RPTOR: variants seen among roughly 807,000 people sequenced by gnomAD.
RPTOR encodes regulatory associated protein of MTOR complex 1.
Under a neutral mutation model 169.9 loss-of-function variants are expected in RPTOR, and 21 were observed. That is an observed-to-expected ratio of 0.12 (90% CI 0.09 to 0.18). The LOEUF is 0.18. Among genes scored for constraint, RPTOR ranks in the 10% least tolerant of loss-of-function variants. The pLI, the probability that RPTOR is intolerant of heterozygous loss-of-function variation, is 1.00. For missense variants in RPTOR, 1,133 were observed against 1,855.9 expected, an observed-to-expected ratio of 0.61 and a Z score of 7.16; for synonymous variants, 732 against 753.2, an observed-to-expected ratio of 0.97 and a Z score of 0.46.
chr17:80,671,500 C>A (rs1207166184), intron 3 of RPTOR, among the ~76,000 whole-genome samples: 1 of 152,074 alleles, frequency 6.6e-6, no homozygotes, highest in African/African-American at 2.4e-5. Context: ...ATACTGCAGG[C>A]ACAAGTCATG....
intron 33 of RPTOR, among the ~76,000 whole-genome samples, chr17:80,963,802 C>T (rs1362592811): frequency 1.3e-5 from 2 of 148,930 alleles, no homozygotes; most frequent in Non-Finnish European, 3.0e-5. Flanking sequence ...CTCTGCGGCC[C>T]TCACCCCGTC....
intron 1 of RPTOR, among the ~76,000 whole-genome samples, chr17:80,622,722 C>G (rs956712573): frequency 1.3e-5 from 2 of 152,034 alleles, no homozygotes; most frequent in Non-Finnish European, 2.9e-5. Flanking sequence ...GGCAACATGA[C>G]AAACCTCATC....
At chr17:80,884,569 G>A (rs974070444) in intron 16 of RPTOR, among the ~76,000 whole-genome samples, 1 of 152,210 alleles carries the variant, frequency 6.6e-6, no homozygotes. Context: ...CCCAGGGCCA[G>A]CACAGTGTCG....
At chr17:80,565,044 T>G (rs368421811) in intron 1 of RPTOR, among the ~76,000 whole-genome samples, 2 of 152,244 alleles carry the variant, frequency 1.3e-5, no homozygotes, top group East Asian at 3.8e-4. Flanking sequence ...TTTAGGTTGA[T>G]TCCATGTCTT....
At chr17:80,743,654 G>A (rs3764370) in intron 5 of RPTOR, among the ~76,000 whole-genome samples, 3 of 146,010 alleles carry the variant, frequency 2.1e-5, no homozygotes, top group African/African-American at 5.4e-5. Context: ...CTTTGCCCTC[G>A]GCAGCAAGGG....
At chr17:80,956,501 C>T (rs1239363311) in intron 28 of RPTOR, among the ~76,000 whole-genome samples, 1 of 152,248 alleles carries the variant, frequency 6.6e-6, no homozygotes, top group Non-Finnish European at 1.5e-5. Context: ...TGAAGGCTGC[C>T]GGCCCGTGGC....
At position 80,544,840 on chromosome 17, in the gene RPTOR, C is replaced by A. The variant is rs2143180135; in HGVS notation, c.-790C>A. The stretch of plus-strand genomic sequence containing the variant: ...CCGTAGGCCGCGGTGCATTCTGGGT[C>A]CTGGCAATATGGCGTCCTCCTTGAT... On this transcript the variant is annotated 5_prime_UTR_variant, in exon 1 of 34. Transcript: ENST00000306801. The A allele has an allele frequency of 4.7e-6, 1 of 214,468 alleles. No individual in the cohort carries two copies. Among genetic ancestry groups the A allele is most frequent in the East Asian group, 6.9e-5 (1 of 14,474 alleles). 13.3% of individuals were successfully genotyped at this position (214,468 alleles called of 1,614,324 possible). A position where few individuals can be genotyped will look rare whatever the true frequency, so the allele number is the denominator to read the frequency against.
intron 3 of RPTOR, among the ~76,000 whole-genome samples, chr17:80,673,855 G>A (rs763041930): frequency 1.3e-5 from 2 of 152,214 alleles, no homozygotes; most frequent in South Asian, 2.1e-4. Context: ...TTGTGTAAGC[G>A]CGATGGAGAG....
chr17:80,615,643 C>G (rs992972489), intron 1 of RPTOR, among the ~76,000 whole-genome samples: 4 of 152,128 alleles, frequency 2.6e-5, no homozygotes, highest in Admixed American at 2.0e-4. Context: ...ATGCTGTTAC[C>G]TATTCTCTTT....
chr17:80,812,874 C>T (rs1011465196), intron 7 of RPTOR, among the ~76,000 whole-genome samples: 4 of 152,260 alleles, frequency 2.6e-5, no homozygotes, highest in Non-Finnish European at 5.9e-5. Context: ...GATTTGGAAT[C>T]TGGTGGGCTC....
intron 6 of RPTOR, among the ~76,000 whole-genome samples, chr17:80,766,072 T>G (rs555889748): frequency 6.6e-6 from 1 of 152,354 alleles, no homozygotes; most frequent in South Asian, 2.1e-4. Context: ...TAAATTTTTT[T>G]TAAGACGTGA....
intron 2 of RPTOR, among the ~76,000 whole-genome samples, chr17:80,635,852 G>T (rs564187206): frequency 1.3e-5 from 2 of 152,262 alleles, no homozygotes; most frequent in South Asian, 4.2e-4. Context: ...TGGCCAGGAA[G>T]GTGAGGAGTG....
rs1246486315 is a variant in RPTOR at position 80,624,819 on chromosome 17, G to A, written c.163-872G>A. Among the ~76,000 whole-genome samples, 3 of 152,194 alleles carry A rather than the reference G, an allele frequency of 2.0e-5. No homozygotes were observed. In the East Asian group the frequency reaches 5.8e-4, roughly 29 times the overall value. ...TCACTCAGCAGGTAGTTAGCACCTG[G>A]TCCAGGCCAGGGTTTTGTTCAAATG... On this transcript the variant is annotated intron_variant, in intron 1 of 33. Coordinates refer to ENST00000306801, the MANE Select transcript of RPTOR (RefSeq NM_020761.3).
intron 3 of RPTOR, among the ~76,000 whole-genome samples, chr17:80,682,455 T>C (rs2065906430): frequency 6.6e-6 from 1 of 152,178 alleles, no homozygotes; most frequent in Non-Finnish European, 1.5e-5. Context: ...GAGTGAGCCC[T>C]AGATGTAATC....
At chr17:80,874,123 A>G (rs140518323) in intron 13 of RPTOR, among the ~76,000 whole-genome samples, 1 of 152,348 alleles carries the variant, frequency 6.6e-6, no homozygotes, top group East Asian at 1.9e-4. Flanking sequence ...AAAGCATGCC[A>G]GTGATTTTGC....
chr17:80,767,222 T>C (rs1230623783), intron 6 of RPTOR, among the ~76,000 whole-genome samples: 1 of 152,002 alleles, frequency 6.6e-6, no homozygotes, highest in Admixed American at 6.6e-5. Flanking sequence ...AATATAAAAA[T>C]TACTCGTGCG....
intron 3 of RPTOR, among the ~76,000 whole-genome samples, chr17:80,660,094 A>T (rs1475796604): frequency 6.6e-6 from 1 of 152,030 alleles, no homozygotes; most frequent in Non-Finnish European, 1.5e-5. Context: ...AACGTGGTGA[A>T]ACCCTGTCTC....
intron 3 of RPTOR, among the ~76,000 whole-genome samples, chr17:80,674,812 AAAAAAAAAAAAAAC>A (rs2065850031): frequency 9.3e-6 from 1 of 107,542 alleles, no homozygotes; most frequent in African/African-American, 4.1e-5. Context: ...AAAAAAAAAA[AAAAAAAAAAAAAAC>A]AACTTCTCAA....
rs1283395517 is a variant in RPTOR, at chr17:80,646,498, C to T, written c.348+2688C>T. On this transcript the variant is annotated intron_variant, in intron 3 of 33. Transcript: ENST00000306801. This position sits in a 1 kb window ranked among gnomAD's most constrained non-coding sequence, Gnocchi z 5.0. ...GTGGCTCTCAGTGTGGGGCAGACCT[C>T]ATGCTGCCTTCTAGAGTTTGCATGA... Among the ~76,000 whole-genome samples, 1 of 152,216 alleles carries T rather than the reference C, an allele frequency of 6.6e-6. No homozygotes were observed. The highest frequency in any genetic ancestry group is 1.5e-5 in the Non-Finnish European group (1 of 68,040).
Sources: allele counts gnomAD v4.1 joint callset (sites outside exome capture counted in the v4.1 genomes callset), GRCh38; gene constraint gnomAD v4.1.1; non-coding constraint Gnocchi (gnomAD v3.1); transcripts MANE v1.5; gene names NCBI Gene and HGNC (gene_info 2026-07-23, HGNC 2026-07-21).